Variants in SLC37A2 observed in about 807,000 individuals in gnomAD.
SLC37A2 encodes the protein solute carrier family 37 member 2.
A neutral mutation model predicts 70.7 loss-of-function variants in SLC37A2; 59 were observed. That is an observed-to-expected ratio of 0.83 (90% CI 0.68 to 1.04). The LOEUF (loss-of-function observed/expected upper bound fraction) is 1.04. Ranked by LOEUF, SLC37A2 falls within the 50% of genes least tolerant of loss-of-function variation. The probability of loss-of-function intolerance (pLI) is 0.00; values close to 1 mark genes in which losing one functional copy is unlikely to be tolerated. For missense variants in SLC37A2, 580 were observed against 658.1 expected (o/e 0.88, Z 1.30); for synonymous variants, 257 against 262.1 (o/e 0.98, Z 0.19).
At chr11:125,085,816 C>A in intron 16 of SLC37A2, 138 bp from the exon 17 acceptor site, 1 of 1,210,300 alleles carries the variant, frequency 8.3e-7, no homozygotes, top group Non-Finnish European at 1.2e-6. Flanking sequence ...ACTCTCCCTC[C>A]CCCGAGTGAC....
intron 12 of SLC37A2, 107 bp downstream of exon 12, chr11:125,084,426 T>C: frequency 8.7e-7 from 1 of 1,147,314 alleles, no homozygotes; most frequent in Non-Finnish European, 1.3e-6. Flanking sequence ...TGTCGCTGTG[T>C]ACGCGTGCAC....
chr11:125,081,546 GAGTT>G, intron 8 of SLC37A2, 88 bp downstream of exon 8: 1 of 1,491,338 alleles, frequency 6.7e-7, no homozygotes, highest in Non-Finnish European at 9.1e-7. Context: ...CTAGAGCAGG[GAGTT>G]CTGGCCCTCA....
intron 4 of SLC37A2, among the ~76,000 whole-genome samples, chr11:125,078,700 A>G (rs1264232677): frequency 1.3e-5 from 2 of 151,990 alleles, no homozygotes; most frequent in African/African-American, 4.8e-5. Flanking sequence ...GGTTTATTTA[A>G]ATGCCCCGGG....
Position 125,088,383 on chromosome 11 carries a change from C to G in SLC37A2, c.*249C>G. ...GAAGCTGCAAGCAAAAGGGATGGGACTAGGGCTGAGTTGTGTCTCCATTTT... is the reference window on the plus strand; with the variant it reads ...GAAGCTGCAAGCAAAAGGGATGGGAGTAGGGCTGAGTTGTGTCTCCATTTT... On this transcript the variant is annotated 3_prime_UTR_variant, in exon 18 of 18. Coordinates refer to ENST00000403796, the MANE Select transcript of SLC37A2 (RefSeq NM_001145290.2). 1 of 539,568 alleles carries G rather than the reference C, an allele frequency of 1.9e-6. No homozygotes were observed. Among genetic ancestry groups the G allele is most frequent in the South Asian group, 2.6e-5 (1 of 38,150 alleles). 33.4% of individuals were successfully genotyped at this position (539,568 alleles called of 1,614,324 possible).
In SLC37A2 at chr11:125,086,005, A is replaced by G. The variant is rs748061436; in HGVS notation, c.1477A>G (p.Ser493Gly). 6.2e-7 allele frequency: 1 copy of G among 1,614,086 alleles called. No homozygotes were observed. The highest frequency in any genetic ancestry group is 1.7e-5 in the Admixed American group (1 of 60,022). The change falls in exon 17 of 18, where the codon AGC becomes GGC. Residue 493 changes from serine (S) to glycine (G), a missense_variant. Physicochemically the swap from Ser to Gly is moderately conservative, Grantham distance 56. Transcript: ENST00000403796. ...GATCTTGGCCTGGAAGGTGTCCCTG[A>G]GCAGAGGCAGCGGGTGAGTCCGGGG... ...KEILAWKVSLSRGSGYKEI is the reference protein window; with the variant it reads ...KEILAWKVSLGRGSGYKEI
At position 125,080,392 on chromosome 11, in the gene SLC37A2, G is replaced by C. The variant is rs987682790; in HGVS notation, c.528-222G>C. Among the ~76,000 whole-genome samples, 2 of 152,198 alleles carry C rather than the reference G, an allele frequency of 1.3e-5. No homozygotes were observed. The highest frequency in any genetic ancestry group is 2.9e-5 in the Non-Finnish European group (2 of 68,034). On this transcript the variant is annotated intron_variant, in intron 6 of 17. Coordinates refer to ENST00000403796, the MANE Select transcript of SLC37A2 (RefSeq NM_001145290.2). This position sits in a 1 kb window ranked among gnomAD's most constrained non-coding sequence, Gnocchi z 4.3. ...TAGAGCTCCCATCGGCACTCACTCA[G>C]GGAGCTGGGCAGGCGGAGCGAGACC...
intron 11 of SLC37A2, 47 bp from the exon 12 acceptor site, chr11:125,084,187 G>T: frequency 6.2e-7 from 1 of 1,604,184 alleles, no homozygotes; most frequent in Non-Finnish European, 8.5e-7. Context: ...CGAGGGGATG[G>T]CAGGGTCCTG....
intron 17 of SLC37A2, 123 bp from the exon 18 acceptor site, chr11:125,087,996 A>G: frequency 9.4e-7 from 1 of 1,069,458 alleles, no homozygotes; most frequent in South Asian, 1.4e-5. Flanking sequence ...GCCTCATTAC[A>G]GAGAACTGAG....
At chr11:125,076,496 C>A (rs574579814) in intron 1 of SLC37A2, among the ~76,000 whole-genome samples, 1 of 152,258 alleles carries the variant, frequency 6.6e-6, no homozygotes, top group South Asian at 2.1e-4. Context: ...TCAGAGCAGG[C>A]GGAGGTGCTT....
At chr11:125,067,288 AG>A (rs1305742495) in intron 1 of SLC37A2, among the ~76,000 whole-genome samples, 3 of 152,192 alleles carry the variant, frequency 2.0e-5, no homozygotes, top group Non-Finnish European at 4.4e-5. Context: ...CACCATGCCC[AG>A]CCTCCAGTAA....
chr11:125,067,909 C>A (rs1296492284), intron 1 of SLC37A2, among the ~76,000 whole-genome samples: 2 of 152,164 alleles, frequency 1.3e-5, no homozygotes, highest in Non-Finnish European at 2.9e-5. Flanking sequence ...ACCATGTATA[C>A]AAAGTCATAC....
chr11:125,075,787 T>C (rs941093842), intron 1 of SLC37A2, among the ~76,000 whole-genome samples: 5 of 152,164 alleles, frequency 3.3e-5, no homozygotes, highest in Non-Finnish European at 5.9e-5. Flanking sequence ...GAGCATCCAG[T>C]GTCCTGCCCT....
chr11:125,067,341 A>G (rs555524183), intron 1 of SLC37A2, among the ~76,000 whole-genome samples: 24 of 152,326 alleles, frequency 1.6e-4, no homozygotes, highest in Admixed American at 1.2e-3. Context: ...TAACACGTAT[A>G]CTGTTGTTAT....
At chr11:125,074,251 T>C (rs1415275358) in intron 1 of SLC37A2, among the ~76,000 whole-genome samples, 2 of 151,778 alleles carry the variant, frequency 1.3e-5, no homozygotes, top group Non-Finnish European at 2.9e-5. Context: ...CCGACACTGC[T>C]CCCTCCTGCT....
intron 14 of SLC37A2, 96 bp from the exon 15 acceptor site, chr11:125,085,299 C>A: frequency 7.3e-7 from 1 of 1,363,422 alleles, no homozygotes; most frequent in East Asian, 2.4e-5. Flanking sequence ...AGCCCAAACC[C>A]CAGTTACCAC....
intron 5 of SLC37A2, 23 bp from the exon 6 acceptor site, chr11:125,079,661 C>G: frequency 6.4e-7 from 1 of 1,571,914 alleles, no homozygotes; most frequent in East Asian, 2.3e-5. Flanking sequence ...CCTGTTCCCA[C>G]CCTCCCTTCT....
At position 125,085,416 on chromosome 11, in the gene SLC37A2, G is replaced by A. The variant is rs369595833; in HGVS notation, c.1270G>A (p.Gly424Ser). 4.3e-6 allele frequency: 7 copies of A among 1,613,778 alleles called. No homozygotes were observed. The highest frequency in any genetic ancestry group is 2.7e-5 in the African/African-American group (2 of 74,908). Residue 424 changes from glycine (G) to serine (S), a missense_variant, in exon 15 of 18, where the codon GGC (glycine) becomes AGC (serine). By Grantham distance (56) the Gly-to-Ser change is moderately conservative. Transcript: ENST00000403796. ...ADLGTHKSLK[G>S]NAKALSTVTA... ...CCAGGGGACTCACAAGAGCCTGAAGGGCAACGCCAAAGCCCTGTCCACGGT... is the reference window on the plus strand; with the variant it reads ...CCAGGGGACTCACAAGAGCCTGAAGAGCAACGCCAAAGCCCTGTCCACGGT...
intron 17 of SLC37A2, chr11:125,086,449 G>A (rs1325888144): frequency 2.8e-5 from 17 of 605,376 alleles, no homozygotes; most frequent in Non-Finnish European, 4.7e-5. Context: ...TGCCACAGAG[G>A]TTGGTGGCCT....
chr11:125,085,612 T>TC lies in SLC37A2; in HGVS notation c.1368dup (p.Thr457HisfsTer43). ...GGGGCCTCTGCTGGCTGGGCTCATC[T>TC]CCCCCACGGGCTGGAACAATGTCTT... On this transcript the variant is annotated frameshift_variant, in exon 16 of 18. Coordinates refer to ENST00000403796, the MANE Select transcript of SLC37A2 (RefSeq NM_001145290.2). LOFTEE classifies it high-confidence loss of function. The TC allele has an allele frequency of 6.2e-7, 1 of 1,613,476 alleles. No homozygotes were observed. The highest frequency in any genetic ancestry group is 8.5e-7 in the Non-Finnish European group (1 of 1,179,952).
Sources: allele counts gnomAD v4.1 joint callset (sites outside exome capture counted in the v4.1 genomes callset), GRCh38; gene constraint gnomAD v4.1.1; non-coding constraint Gnocchi (gnomAD v3.1); transcripts MANE v1.5; gene names NCBI Gene and HGNC (gene_info 2026-07-23, HGNC 2026-07-21).